The following ACY3 variants were observed in gnomAD, a reference collection of about 807,000 sequenced individuals.
ACY3 encodes aminoacylase 3, also known as N-acyl-aromatic-L-amino acid amidohydrolase (carboxylate-forming).
A neutral mutation model predicts 24.6 loss-of-function variants in ACY3; 20 were observed. The ratio of observed to expected loss-of-function variants is 0.81; its 90% CI spans 0.57 to 1.18. The LOEUF is 1.18. ACY3 is among the 50% of genes most tolerant of loss of function. ACY3 has a pLI of 0.00. For synonymous variants in ACY3, 174 were observed against 188.4 expected, an observed-to-expected ratio of 0.92 and a Z score of 0.62; for missense variants, 423 against 426.8, an observed-to-expected ratio of 0.99 and a Z score of 0.08.
chr11:67,649,531 C>T (rs1033903555), intron 1 of ACY3, among the ~76,000 whole-genome samples: 2 of 151,528 alleles, frequency 1.3e-5, no homozygotes, highest in Non-Finnish European at 2.9e-5. Context: ...GCAGTGTGTG[C>T]GCGTGTGTGC....
intron 4 of ACY3, 119 bp downstream of exon 4, chr11:67,645,573 C>T (rs1043617301): frequency 2.0e-5 from 27 of 1,344,878 alleles, no homozygotes; most frequent in Non-Finnish European, 2.7e-5. Context: ...GGACTGGAGC[C>T]CAGGGGAAAC....
chr11:67,646,666 G>A, intron 3 of ACY3, 142 bp downstream of exon 3: 1 of 851,990 alleles, frequency 1.2e-6, no homozygotes, highest in South Asian at 1.5e-5. Flanking sequence ...TGTTCGGTTT[G>A]TCCCGTGGAG....
At chr11:67,648,778 G>A (rs142965518) in intron 1 of ACY3, among the ~76,000 whole-genome samples, 2 of 152,310 alleles carry the variant, frequency 1.3e-5, no homozygotes, top group East Asian at 3.9e-4. Flanking sequence ...CACACCCAAG[G>A]CTTCGTGAGC....
chr11:67,645,869 G>A lies in ACY3; in HGVS notation c.255C>T (p.Asp85=), dbSNP rs534829539. ...SSFLNSRPTP[D]DPYEVTRARE... ...GGGCTCTTGTCACCTCATATGGGTC[G>A]TCCGGGGTGGGCCTGGAACTGTGGA... Residue 85 remains aspartate (D), a synonymous_variant, in exon 4 of 8, where the codon GAC becomes GAT. Transcript: ENST00000255082. The A allele has an allele frequency of 5.5e-5, 89 of 1,606,672 alleles. No individual in the cohort carries two copies. Among genetic ancestry groups the A allele is most frequent in the Admixed American group, 1.2e-4 (7 of 58,682 alleles).
chr11:67,650,519 C>T (rs1473585330), intron 1 of ACY3, 64 bp downstream of exon 1: 1 of 152,226 alleles, frequency 6.6e-6, no homozygotes, highest in Non-Finnish European at 1.5e-5. Flanking sequence ...GATTCTGATC[C>T]TAACTTCTTG....
intron 3 of ACY3, 94 bp from the exon 4 acceptor site, chr11:67,645,981 C>T: frequency 8.0e-7 from 1 of 1,253,878 alleles, no homozygotes; most frequent in Non-Finnish European, 1.1e-6. Context: ...GCAGGAGCCA[C>T]TCTGAGCAGC....
chr11:67,649,816 G>A (rs1233300761), intron 1 of ACY3, among the ~76,000 whole-genome samples: 1 of 149,622 alleles, frequency 6.7e-6, no homozygotes, highest in Admixed American at 6.7e-5. Context: ...TTGTGTGCAT[G>A]TGTGCATGCA....
In ACY3 at chr11:67,645,298, T is replaced by C. The variant is rs1855491330; in HGVS notation, c.515A>G (p.Lys172Arg). 4 of 1,613,668 alleles carry C rather than the reference T, an allele frequency of 2.5e-6. No homozygotes were observed. Residue 172 changes from lysine to arginine, a missense_variant, in exon 5 of 8, where the codon AAA becomes AGA. Coordinates refer to ENST00000255082, the MANE Select transcript of ACY3 (RefSeq NM_080658.2). ...AGGCTGCGGCCCACCCAGTCCATTT[T>C]TGGCCACAGAGTCCAGGTTGTAGCT... ...EESYNLDSVA[K>R]NGLGLELGPQ... is the part of the protein sequence containing the mutation.
At position 67,647,083 on chromosome 11, in the gene ACY3, G is replaced by A; in HGVS notation, c.-20-20C>T. 6.9e-7 allele frequency: 1 copy of A among 1,447,908 alleles called. No individual in the cohort carries two copies. The highest frequency in any genetic ancestry group is 9.1e-7 in the Non-Finnish European group (1 of 1,094,856). 89.7% of individuals were successfully genotyped at this position (1,447,908 alleles called of 1,614,324 possible). On this transcript the variant is annotated intron_variant, in intron 2 of 7. Coordinates refer to ENST00000255082, the MANE Select transcript of ACY3 (RefSeq NM_080658.2). ...CAGAACCTGGGGGTGGGCATACTTA[G>A]GAGACCCTGGCCCCGATGCAAGGGA...
intron 7 of ACY3, among the ~76,000 whole-genome samples, chr11:67,644,098 A>T (rs1187551320): frequency 6.6e-6 from 1 of 152,152 alleles, no homozygotes; most frequent in East Asian, 1.9e-4. Context: ...GCACGGCTGG[A>T]TTAAGACTGT....
intron 1 of ACY3, among the ~76,000 whole-genome samples, chr11:67,649,931 TGC>T (rs1202546781): frequency 1.3e-5 from 2 of 149,482 alleles, no homozygotes; most frequent in Non-Finnish European, 2.9e-5. Context: ...TGAGCATGTG[TGC>T]GTGTGTGTGT....
In ACY3 at chr11:67,642,937, G is replaced by A; in HGVS notation, c.747C>T (p.Asp249=). Residue 249 remains aspartate, a splice_region_variant and synonymous_variant, in exon 8 of 8, where the codon GAC becomes GAT. Coordinates refer to ENST00000255082, the MANE Select transcript of ACY3 (RefSeq NM_080658.2). ...CAGGCTGCAGTGGCTGGAAGTCTCG[G>A]TCCTGGGAGGAGAGCCAAAGGCCAA... The part of the protein sequence containing the change: ...LAGTVHPQLQ[D]RDFQPLQPGA... The A allele has an allele frequency of 4.3e-6, 7 of 1,613,040 alleles. No individual in the cohort carries two copies. The highest frequency in any genetic ancestry group is 1.1e-5 in the South Asian group (1 of 90,978).
In ACY3 at chr11:67,644,800, T is replaced by A; in HGVS notation, c.704A>T (p.Glu235Val). The A allele has an allele frequency of 1.3e-6, 2 of 1,566,576 alleles. No individual in the cohort carries two copies. The highest frequency in any genetic ancestry group is 1.7e-6 in the Non-Finnish European group (2 of 1,156,084). ...PVGVVDFPRTEAGHLAGTVHP... is the reference protein window; with the variant it reads ...PVGVVDFPRTVAGHLAGTVHP... The stretch of plus-strand genomic sequence containing the variant: ...CACAGTGCCTGCCAGGTGCCCGGCC[T>A]CGGTGCGGGGGAAGTCCACGACGCC... Residue 235 changes from glutamate to valine, a missense_variant, in exon 7 of 8, where the codon GAG becomes GTG. Physicochemically the swap from Glu to Val is moderately radical, Grantham distance 121. Transcript: ENST00000255082.
intron 1 of ACY3, among the ~76,000 whole-genome samples, chr11:67,648,565 C>T (rs1770343313): frequency 1.3e-5 from 2 of 152,152 alleles, no homozygotes; most frequent in African/African-American, 4.8e-5. Context: ...TGCTGGGACC[C>T]TGAGCTGGAG....
chr11:67,643,406 G>T (rs548584340), intron 7 of ACY3, among the ~76,000 whole-genome samples: 1 of 152,202 alleles, frequency 6.6e-6, no homozygotes, highest in Non-Finnish European at 1.5e-5. Flanking sequence ...TTGGCTGGGC[G>T]CAGTGGCTCA....
At chr11:67,646,733 G>A in intron 3 of ACY3, 75 bp downstream of exon 3, 2 of 1,400,964 alleles carry the variant, frequency 1.4e-6, no homozygotes, top group South Asian at 2.4e-5. Flanking sequence ...GGCCCTGCTG[G>A]TGGCGGGAGG....
chr11:67,645,832 G>T lies in ACY3; in HGVS notation c.292C>A (p.Gln98Lys). The part of the protein sequence containing the change: ...YEVTRARELN[Q>K]LLGPKASGQA... ...CCCGAGGCCTTGGGCCCCAGCAGCTGGTTCAGCTCTCGGGCTCTTGTCACC... is the reference window on the plus strand; with the variant it reads ...CCCGAGGCCTTGGGCCCCAGCAGCTTGTTCAGCTCTCGGGCTCTTGTCACC... Residue 98 changes from glutamine (Q) to lysine (K), a missense_variant, in exon 4 of 8, where the codon CAG (glutamine) becomes AAG (lysine). Transcript: ENST00000255082. The T allele has an allele frequency of 6.2e-7, 1 of 1,613,674 alleles. No homozygotes were observed. The highest frequency in any genetic ancestry group is 8.5e-7 in the Non-Finnish European group (1 of 1,179,786).
intron 1 of ACY3, among the ~76,000 whole-genome samples, chr11:67,650,366 T>G (rs2134115857): frequency 6.6e-6 from 1 of 152,298 alleles, no homozygotes; most frequent in Non-Finnish European, 1.5e-5. Flanking sequence ...GACACTGCTT[T>G]GGGAGCTGTC....
Position 67,645,378 on chromosome 11 carries a change from C to T in ACY3, c.435G>A (p.Leu145=), listed in dbSNP as rs542851264. 2.3e-5 allele frequency: 37 copies of T among 1,613,064 alleles called. No individual in the cohort carries two copies. The South Asian group carries it at 3.5e-4, about 15-fold the overall frequency. Residue 145 remains leucine, a splice_region_variant and synonymous_variant, in exon 5 of 8, where the codon CTG becomes CTA. Coordinates refer to ENST00000255082, the MANE Select transcript of ACY3 (RefSeq NM_080658.2). The part of the protein sequence containing the change: ...FAMHLCRHLQ[L]QYPELSCQVF... ...CCTGGCAGGACAGCTCGGGGTACTGCAGCTGGGGGCGAGAGAGGCAGGTTA... is the reference window on the plus strand; with the variant it reads ...CCTGGCAGGACAGCTCGGGGTACTGTAGCTGGGGGCGAGAGAGGCAGGTTA...
Sources: gnomAD v4.1 joint callset for allele counts (sites outside exome capture counted in the v4.1 genomes callset) on GRCh38, gnomAD v4.1.1 for gene constraint, MANE v1.5 for transcripts, NCBI Gene and HGNC (gene_info 2026-07-23, HGNC 2026-07-21) for gene names.